Variants in MAF observed in about 807,000 individuals in gnomAD.
MAF encodes the protein MAF bZIP transcription factor.
A neutral mutation model predicts 22.0 loss-of-function variants in MAF; 10 were observed. That is an observed-to-expected ratio of 0.45 (90% CI 0.28 to 0.77). MAF has a LOEUF of 0.77. Ranked by LOEUF, MAF falls within the 30% of genes least tolerant of loss-of-function variation. MAF has a pLI of 0.12. For missense variants in MAF, 544 were observed against 548.4 expected, an observed-to-expected ratio of 0.99 and a Z score of 0.08; for synonymous variants, 337 against 255.8, an observed-to-expected ratio of 1.32 and a Z score of -3.03.
chr16:79,505,305 C>T, the MAF span, among the ~76,000 whole-genome samples: 1 of 152,172 alleles, frequency 6.6e-6, no homozygotes, highest in Admixed American at 6.5e-5. Context: ...TGTTCCTCTA[C>T]AGAGTGAGGG....
chr16:79,318,053 T>C, the MAF span, among the ~76,000 whole-genome samples: 1 of 152,238 alleles, frequency 6.6e-6, no homozygotes, highest in Non-Finnish European at 1.5e-5. Flanking sequence ...GTAAGGAGAA[T>C]ATGCTCTGTC....
the MAF span, among the ~76,000 whole-genome samples, chr16:79,362,767 G>T: frequency 6.6e-6 from 1 of 152,118 alleles, no homozygotes; most frequent in Non-Finnish European, 1.5e-5. Context: ...AAGCAGTATG[G>T]GTGTGGTTTC....
At chr16:79,475,189 G>T in the MAF span, among the ~76,000 whole-genome samples, 292 of 152,268 alleles carry the variant, frequency 1.9e-3, 4 homozygotes, top group East Asian at 0.053. Flanking sequence ...GAATTGGAAG[G>T]AAGATTAACA....
the MAF span, among the ~76,000 whole-genome samples, chr16:79,232,672 G>A: frequency 5.3e-5 from 8 of 151,932 alleles, no homozygotes; most frequent in Middle Eastern, 3.4e-3. Flanking sequence ...TAGTCAATTC[G>A]CATCTGGGGT....
chr16:79,344,457 A>G, the MAF span, among the ~76,000 whole-genome samples: 1 of 152,198 alleles, frequency 6.6e-6, no homozygotes, highest in African/African-American at 2.4e-5. Flanking sequence ...GGGCGCTCTT[A>G]ATAACTATGC....
chr16:79,211,510 G>T, the MAF span: 1 of 1,507,708 alleles, frequency 6.6e-7, no homozygotes, highest in East Asian at 2.3e-5. Flanking sequence ...AACTGAACCA[G>T]GTGGGGGAGG....
In MAF at chr16:79,599,864, G is replaced by A. The variant is rs761812682; in HGVS notation, c.39C>T (p.Pro13=). Residue 13 remains proline, a synonymous_variant, in exon 1 of 2, where the codon CCC becomes CCT. Coordinates refer to ENST00000326043, the MANE Select transcript of MAF (RefSeq NM_005360.5). ...SELAMSNSDL[P]TSPLAMEYVN... ...CATATTCCATGGCCAGGGGACTGGT[G>A]GGCAGGTCGGAGTTGCTCATTGCCA... is the stretch of plus-strand genomic sequence containing the variant. 1.9e-6 allele frequency: 3 copies of A among 1,608,318 alleles called. No individual in the cohort carries two copies.
the MAF span, among the ~76,000 whole-genome samples, chr16:79,316,572 CA>C: frequency 4.6e-5 from 7 of 152,108 alleles, no homozygotes; most frequent in African/African-American, 1.7e-4. Flanking sequence ...GCAATTAACC[CA>C]AAGATCACTG....
the MAF span, among the ~76,000 whole-genome samples, chr16:79,313,407 G>A: frequency 1.3e-5 from 2 of 152,080 alleles, no homozygotes; most frequent in African/African-American, 4.8e-5. Flanking sequence ...ACAGTAAAAG[G>A]CCAGTCATGA....
the MAF span, among the ~76,000 whole-genome samples, chr16:79,397,481 T>C: frequency 1.3e-5 from 2 of 152,242 alleles, no homozygotes; most frequent in African/African-American, 2.4e-5. Flanking sequence ...AATGTTCTTT[T>C]TTAGAAATCA....
the MAF span, among the ~76,000 whole-genome samples, chr16:79,506,781 T>C: frequency 6.6e-6 from 1 of 152,072 alleles, no homozygotes; most frequent in African/African-American, 2.4e-5. Context: ...ATGCTGCCAC[T>C]GAAGGAGTGA....
chr16:79,501,719 C>A, the MAF span, among the ~76,000 whole-genome samples: 1 of 152,294 alleles, frequency 6.6e-6, no homozygotes, highest in South Asian at 2.1e-4. Context: ...TTGATTTACA[C>A]GGCATTCTTC....
At chr16:79,222,346 A>G in the MAF span, among the ~76,000 whole-genome samples, 2 of 152,132 alleles carry the variant, frequency 1.3e-5, no homozygotes, top group African/African-American at 4.8e-5. Flanking sequence ...AGCACTAAAC[A>G]TGGAAAGGAA....
At chr16:79,298,320 G>A in the MAF span, among the ~76,000 whole-genome samples, 1 of 152,354 alleles carries the variant, frequency 6.6e-6, no homozygotes, top group Non-Finnish European at 1.5e-5. Context: ...TGTTTGCTCT[G>A]CTCCTGTCTA....
the MAF span, among the ~76,000 whole-genome samples, chr16:79,320,882 T>A: frequency 1.3e-5 from 2 of 152,184 alleles, no homozygotes; most frequent in Admixed American, 1.3e-4. Flanking sequence ...GGAGGTACTG[T>A]TTTTATTTTC....
chr16:79,281,221 T>C, the MAF span, among the ~76,000 whole-genome samples: 2 of 53,684 alleles, frequency 3.7e-5, no homozygotes, highest in African/African-American at 7.3e-5. Context: ...ATAGTTTCAA[T>C]ATGAAAAAAA....
the MAF span, among the ~76,000 whole-genome samples, chr16:79,318,397 C>G: frequency 2.6e-5 from 4 of 152,180 alleles, no homozygotes; most frequent in Admixed American, 2.0e-4. Flanking sequence ...GGTACATGAG[C>G]AATTTCTGGT....
the MAF span, among the ~76,000 whole-genome samples, chr16:79,569,412 T>C: frequency 2.0e-5 from 3 of 152,184 alleles, no homozygotes; most frequent in Admixed American, 1.3e-4. Flanking sequence ...GAGCTGGGGA[T>C]GGGATGTGGT....
chr16:79,393,408 G>T, the MAF span, among the ~76,000 whole-genome samples: 1 of 152,190 alleles, frequency 6.6e-6, no homozygotes, highest in Non-Finnish European at 1.5e-5. Flanking sequence ...TGCAGAGGTT[G>T]GGCTATCCAG....
Sources: allele counts gnomAD v4.1 joint callset (sites outside exome capture counted in the v4.1 genomes callset), GRCh38; gene constraint gnomAD v4.1.1; transcripts MANE v1.5; gene names NCBI Gene and HGNC (gene_info 2026-07-23, HGNC 2026-07-21).